The following CADPS2 variants were observed in gnomAD, a reference collection of about 807,000 sequenced individuals.
CADPS2 encodes the protein calcium-dependent secretion activator 2.
CADPS2 carries 93 observed loss-of-function variants against 172.5 expected under a neutral mutation model. The observed-to-expected ratio is 0.54, with a 90% CI of 0.46 to 0.64. The LOEUF is 0.64. Among genes scored for constraint, CADPS2 ranks in the 30% least tolerant of loss-of-function variants. The probability of loss-of-function intolerance (pLI) is 0.00; values close to 1 mark genes in which losing one functional copy is unlikely to be tolerated. For synonymous variants in CADPS2, 546 were observed against 555.2 expected (o/e 0.98, Z 0.23); for missense variants, 1,420 against 1,565.9 (o/e 0.91, Z 1.57).
Position 122,564,869 on chromosome 7 carries a change from ACACACAC to A in CADPS2, c.1336-10187_1336-10181del, listed in dbSNP as rs2066231212. 7.2e-5 allele frequency among the ~76,000 whole-genome samples: 11 copies of A among 151,778 alleles called. No homozygotes were observed. The South Asian group carries it at 2.3e-3, about 32-fold the overall frequency. On this transcript the variant is annotated intron_variant, in intron 7 of 29. Coordinates refer to ENST00000449022, the MANE Select transcript of CADPS2 (RefSeq NM_017954.11). Reference sequence around the variant, plus strand: ...CATGCACACACACACACACACACACACACACACAAAACACTACCCAGACATAAGAGAG... The same window carrying A: ...CATGCACACACACACACACACACACAAAAACACTACCCAGACATAAGAGAG...
chr7:122,438,233 G>T, intron 17 of CADPS2, 108 bp downstream of exon 17: 1 of 1,368,954 alleles, frequency 7.3e-7, no homozygotes, highest in Non-Finnish European at 1.0e-6. Flanking sequence ...ATTTCCCTTT[G>T]CCATGGCACA....
intron 15 of CADPS2, among the ~76,000 whole-genome samples, chr7:122,444,321 T>C (rs1205958918): frequency 1.3e-5 from 2 of 152,110 alleles, no homozygotes; most frequent in Non-Finnish European, 2.9e-5. Flanking sequence ...CTTGGGAAAA[T>C]ACCTAGGAAT....
Position 122,393,517 on chromosome 7 carries a change from A to G in CADPS2, c.2812T>C (p.Tyr938His), listed in dbSNP as rs571698206. The change falls in exon 21 of 30, where the codon TAT (tyrosine) becomes CAT (histidine). Residue 938 changes from tyrosine to histidine, a missense_variant. Physicochemically the swap from Tyr to His is moderately conservative, Grantham distance 83. Coordinates refer to ENST00000449022, the MANE Select transcript of CADPS2 (RefSeq NM_017954.11). Reference protein sequence around the residue: ...QEIFVPLVVRYVDLMESSIAQ... With the variant: ...QEIFVPLVVRHVDLMESSIAQ... ...ATGGAAGACTCCATGAGATCCACATAGCGGACAACCAAGGGTACAAAGATT... is the reference window on the plus strand; with the variant it reads ...ATGGAAGACTCCATGAGATCCACATGGCGGACAACCAAGGGTACAAAGATT... 3.1e-6 allele frequency: 5 copies of G among 1,613,958 alleles called. No individual in the cohort carries two copies. In the South Asian group the frequency reaches 5.5e-5, roughly 18 times the overall value.
chr7:122,737,054 CTGT>C lies in CADPS2; in HGVS notation c.351_353del (p.Gln118del), dbSNP rs1469113784. On this transcript the variant is annotated inframe_deletion, in exon 2 of 30. Coordinates refer to ENST00000449022, the MANE Select transcript of CADPS2 (RefSeq NM_017954.11). Reference sequence around the variant, plus strand: ...GGAACCGTTCTTTCAGTAACTGCAACTGTTGTTTGTTAAGCTACAAGAAAAAGA... The same window carrying C: ...GGAACCGTTCTTTCAGTAACTGCAACTGTTTGTTAAGCTACAAGAAAAAGA... The C allele has an allele frequency of 1.3e-6, 2 of 1,595,852 alleles. No homozygotes were observed. The highest frequency in any genetic ancestry group is 1.7e-5 in the Admixed American group (1 of 59,792).
Position 122,319,464 on chromosome 7 carries a change from CGGAAG to C in CADPS2, c.*696_*700del, listed in dbSNP as rs2031927461. 6.6e-6 allele frequency: 1 copy of C among 152,072 alleles called. No individual in the cohort carries two copies. Among genetic ancestry groups the C allele is most frequent in the African/African-American group, 2.4e-5 (1 of 41,388 alleles). 9.4% of individuals were successfully genotyped at this position (152,072 alleles called of 1,614,324 possible). On this transcript the variant is annotated 3_prime_UTR_variant, in exon 30 of 30. Coordinates refer to ENST00000449022, the MANE Select transcript of CADPS2 (RefSeq NM_017954.11). ...GGAGCAGGAGAATATGGTATCTTGA[CGGAAG>C]CACACTTGCTACCCCACACCTGGGG...
intron 1 of CADPS2, among the ~76,000 whole-genome samples, chr7:122,797,577 T>C (rs1796652237): frequency 6.6e-6 from 1 of 152,192 alleles, no homozygotes. Flanking sequence ...GCCATTATCC[T>C]TAGCAAACTA....
chr7:122,386,436 G>A, intron 24 of CADPS2: 1 of 522,564 alleles, frequency 1.9e-6, no homozygotes, highest in Non-Finnish European at 3.3e-6. Context: ...ACAGATAATT[G>A]AAGAAAAATA....
At chr7:122,386,469 A>G (rs1037837965) in intron 24 of CADPS2, among the ~76,000 whole-genome samples, 1 of 151,884 alleles carries the variant, frequency 6.6e-6, no homozygotes, top group Non-Finnish European at 1.5e-5. Context: ...CCCAATCACC[A>G]CTCTCAACAA....
chr7:122,588,775 T>C (rs2070219739), intron 6 of CADPS2, among the ~76,000 whole-genome samples: 1 of 151,786 alleles, frequency 6.6e-6, no homozygotes, highest in African/African-American at 2.4e-5. Context: ...ACTCAATTCA[T>C]GAAAATGAGT....
intron 14 of CADPS2, among the ~76,000 whole-genome samples, chr7:122,459,144 T>C (rs2054150008): frequency 6.6e-6 from 1 of 151,936 alleles, no homozygotes. Context: ...ACATTCTGAT[T>C]CATAATTTGA....
At chr7:122,409,762 A>G (rs764236904) in intron 19 of CADPS2, 1 of 395,474 alleles carries the variant, frequency 2.5e-6, no homozygotes, top group Non-Finnish European at 5.4e-6. Flanking sequence ...CTGGGTTGGT[A>G]GGAAGATGAG....
chr7:122,636,462 G>GTTTT (rs66587423), intron 3 of CADPS2, among the ~76,000 whole-genome samples: 42 of 100,164 alleles, frequency 4.2e-4, no homozygotes, highest in East Asian at 6.5e-4. Flanking sequence ...CACAAGAGAT[G>GTTTT]TTTTTTTTTT....
At chr7:122,436,431 C>T (rs758404733) in intron 17 of CADPS2, 10 of 1,141,072 alleles carry the variant, frequency 8.8e-6, no homozygotes, top group African/African-American at 3.3e-5. Context: ...CTACCCTTGT[C>T]GTTCATATAA....
chr7:122,834,032 C>G (rs184904904), intron 1 of CADPS2, among the ~76,000 whole-genome samples: 1 of 152,028 alleles, frequency 6.6e-6, no homozygotes, highest in Admixed American at 6.6e-5. Context: ...GAAAAAAAGA[C>G]GGACATACAG....
intron 1 of CADPS2, among the ~76,000 whole-genome samples, chr7:122,843,961 T>C (rs539884348): frequency 1.3e-5 from 2 of 152,148 alleles, no homozygotes; most frequent in African/African-American, 2.4e-5. Flanking sequence ...TGAGTACCTA[T>C]TGAGGCTGAA....
intron 1 of CADPS2, among the ~76,000 whole-genome samples, chr7:122,796,870 G>A (rs1440049425): frequency 6.6e-6 from 1 of 151,996 alleles, no homozygotes; most frequent in Non-Finnish European, 1.5e-5. Flanking sequence ...TGATGAATGG[G>A]ATCTAACTCA....
intron 1 of CADPS2, among the ~76,000 whole-genome samples, chr7:122,858,962 A>G (rs1465433641): frequency 6.6e-6 from 1 of 152,234 alleles, no homozygotes; most frequent in East Asian, 1.9e-4. Context: ...CAAGAATTAC[A>G]TATTGATTTG....
At chr7:122,489,464 C>T (rs2058100847) in intron 11 of CADPS2, among the ~76,000 whole-genome samples, 1 of 152,062 alleles carries the variant, frequency 6.6e-6, no homozygotes, top group Admixed American at 6.6e-5. Context: ...ATTATCAAAG[C>T]TAGGTTTGAA....
chr7:122,433,491 C>CTT (rs2050240729), intron 17 of CADPS2, among the ~76,000 whole-genome samples: 1 of 149,398 alleles, frequency 6.7e-6, no homozygotes, highest in South Asian at 2.1e-4. Context: ...GTAACTTCTG[C>CTT]CTCCCAGGTT....
Sources: allele counts gnomAD v4.1 joint callset (sites outside exome capture counted in the v4.1 genomes callset), GRCh38; gene constraint gnomAD v4.1.1; transcripts MANE v1.5; gene names NCBI Gene and HGNC (gene_info 2026-07-23, HGNC 2026-07-21).